The following ECPAS variants were observed in gnomAD, a reference collection of about 807,000 sequenced individuals.
ECPAS encodes the protein proteasome adapter and scaffold protein ECM29.
Under a neutral mutation model 255.1 loss-of-function variants are expected in ECPAS, and 70 were observed. The observed-to-expected ratio is 0.27, with a 90% CI of 0.23 to 0.33. The LOEUF (loss-of-function observed/expected upper bound fraction) is 0.33. Among genes scored for constraint, ECPAS ranks in the 10% least tolerant of loss-of-function variants. The pLI is 1.00. For missense variants in ECPAS, 1,817 were observed against 2,206.4 expected, an observed-to-expected ratio of 0.82 and a Z score of 3.54; for synonymous variants, 784 against 775.0, an observed-to-expected ratio of 1.01 and a Z score of -0.19.
chr9:111,384,094 T>G (rs553076654), intron 34 of ECPAS, among the ~76,000 whole-genome samples: 1 of 152,200 alleles, frequency 6.6e-6, no homozygotes, highest in African/African-American at 2.4e-5. Context: ...ATGTGACCTA[T>G]GGCAAGGTTT....
At chr9:111,468,009 C>T (rs1394334670) in intron 2 of ECPAS, among the ~76,000 whole-genome samples, 2 of 152,056 alleles carry the variant, frequency 1.3e-5, no homozygotes, top group African/African-American at 4.8e-5. Flanking sequence ...AAAAATTACT[C>T]AGGCGTGGTG....
chr9:111,442,559 T>G (rs1209918565), intron 4 of ECPAS, 135 bp from the exon 5 acceptor site: 3 of 613,948 alleles, frequency 4.9e-6, no homozygotes, highest in Non-Finnish European at 8.5e-6. Flanking sequence ...CCCTCCACGT[T>G]TATTGCACCT....
chr9:111,424,097 C>A, intron 12 of ECPAS, among the ~76,000 whole-genome samples: 1 of 152,172 alleles, frequency 6.6e-6, no homozygotes, highest in Non-Finnish European at 1.5e-5. Context: ...TAAAGCATTT[C>A]ACCATCTATG....
intron 2 of ECPAS, among the ~76,000 whole-genome samples, chr9:111,461,718 C>T (rs555541945): frequency 3.9e-4 from 59 of 152,188 alleles, no homozygotes; most frequent in Admixed American, 1.4e-3. Context: ...TCTATTAGTC[C>T]GTTTTCATGA....
chr9:111,387,188 G>A (rs1181157209), intron 31 of ECPAS, among the ~76,000 whole-genome samples: 1 of 151,706 alleles, frequency 6.6e-6, no homozygotes, highest in Non-Finnish European at 1.5e-5. Context: ...CAGTTATTGA[G>A]GGACAGTGTC....
At chr9:111,413,132 A>G (rs771591308) in intron 20 of ECPAS, among the ~76,000 whole-genome samples, 12 of 152,208 alleles carry the variant, frequency 7.9e-5, no homozygotes, top group Non-Finnish European at 1.5e-4. Context: ...TTACCTATGA[A>G]AATTACAAAA....
chr9:111,396,901 T>C lies in ECPAS; in HGVS notation c.2776+129A>G, dbSNP rs534559960. 76 of 1,247,584 alleles carry C rather than the reference T, an allele frequency of 6.1e-5. 1 individual carries two copies. The South Asian group carries it at 8.1e-4, about 13-fold the overall frequency. The allele number at this position is 1,247,584 out of a possible 1,614,324, so 77.3% of individuals were successfully genotyped here. ...AACTATTTTTCTTGACTGAATGAAA[T>C]TGGTAAAACAGATATAAATATTTGA... is the stretch of plus-strand genomic sequence containing the variant. On this transcript the variant is annotated intron_variant, in intron 25 of 49. Coordinates refer to ENST00000684092, the MANE Select transcript of ECPAS (RefSeq NM_001364929.1).
chr9:111,473,365 T>C (rs2098291739), intron 1 of ECPAS, among the ~76,000 whole-genome samples: 1 of 152,234 alleles, frequency 6.6e-6, no homozygotes, highest in Non-Finnish European at 1.5e-5. Context: ...ATAATAGTTT[T>C]ATAAGAAGTG....
In ECPAS at chr9:111,364,225, A is replaced by T. The variant is rs1301151902; in HGVS notation, c.5309-566T>A. Reference sequence around the variant, plus strand: ...GTGAAATTGTCTACCAAAAAAATCAACACACAACCAAGCCCAAAGCAGGGT... The same window carrying T: ...GTGAAATTGTCTACCAAAAAAATCATCACACAACCAAGCCCAAAGCAGGGT... On this transcript the variant is annotated intron_variant, in intron 48 of 49. Coordinates refer to ENST00000684092, the MANE Select transcript of ECPAS (RefSeq NM_001364929.1). Among the ~76,000 whole-genome samples the T allele has an allele frequency of 3.3e-5, 5 of 152,256 alleles. 1 individual carries two copies. The South Asian group carries it at 1.0e-3, about 32-fold the overall frequency.
intron 2 of ECPAS, 70 bp from the exon 3 acceptor site, chr9:111,451,625 G>T: frequency 7.1e-7 from 1 of 1,407,538 alleles, no homozygotes; most frequent in Non-Finnish European, 9.4e-7. Flanking sequence ...TATTTTTATA[G>T]CTTATTCTTT....
In ECPAS at chr9:111,484,381, C is replaced by G. The variant is rs761150267; in HGVS notation, c.-348G>C. 2 of 1,611,764 alleles carry G rather than the reference C, an allele frequency of 1.2e-6. No homozygotes were observed. Among genetic ancestry groups the G allele is most frequent in the African/African-American group, 1.3e-5 (1 of 75,016 alleles). ...GCCTGTCCAAAGGAAGAGACGTGGA[C>G]TCAGAAAAGTAGAGCCGGGCTCGGA... On this transcript the variant is annotated 5_prime_UTR_variant, in exon 1 of 50. Transcript: ENST00000684092.
chr9:111,414,952 T>C (rs1452028348), intron 18 of ECPAS, among the ~76,000 whole-genome samples: 3 of 152,150 alleles, frequency 2.0e-5, no homozygotes, highest in African/African-American at 7.2e-5. Flanking sequence ...AAATACCACA[T>C]GTTCTCACTT....
chr9:111,380,084 C>T (rs1001809148), intron 35 of ECPAS, among the ~76,000 whole-genome samples: 1 of 152,206 alleles, frequency 6.6e-6, no homozygotes, highest in Non-Finnish European at 1.5e-5. Flanking sequence ...CCAGATCCAT[C>T]AAAGGAATCA....
chr9:111,427,365 A>C (rs1263651435), intron 10 of ECPAS, among the ~76,000 whole-genome samples: 1 of 152,224 alleles, frequency 6.6e-6, no homozygotes, highest in Non-Finnish European at 1.5e-5. Context: ...CTTTCAGTTA[A>C]GGATGACTCA....
At chr9:111,451,738 C>T (rs2098260544) in intron 2 of ECPAS, among the ~76,000 whole-genome samples, 183 bp from the exon 3 acceptor site, 1 of 152,180 alleles carries the variant, frequency 6.6e-6, no homozygotes, top group Admixed American at 6.5e-5. Context: ...AACTGTTCTA[C>T]CCTGGTCTAC....
At chr9:111,481,362 C>T (rs1015308097) in intron 1 of ECPAS, among the ~76,000 whole-genome samples, 1 of 152,034 alleles carries the variant, frequency 6.6e-6, no homozygotes, top group African/African-American at 2.4e-5. Context: ...AAAAATTAGC[C>T]GGGCGTGGTG....
intron 6 of ECPAS, 30 bp downstream of exon 6, chr9:111,440,335 CAGTCAAG>C: frequency 1.3e-6 from 2 of 1,553,756 alleles, no homozygotes; most frequent in Non-Finnish European, 1.7e-6. Context: ...GTAGTAAAAG[CAGTCAAG>C]AACAAGGTTG....
At chr9:111,410,006 A>G in intron 23 of ECPAS, 35 bp downstream of exon 23, 8 of 1,510,200 alleles carry the variant, frequency 5.3e-6, no homozygotes, top group Non-Finnish European at 6.3e-6. Context: ...GAAAGACCGA[A>G]TTCCAGAAAG....
intron 24 of ECPAS, among the ~76,000 whole-genome samples, chr9:111,399,068 A>AATG (rs2098171691): frequency 6.6e-6 from 1 of 152,248 alleles, no homozygotes. Flanking sequence ...ACTCAAAAGA[A>AATG]ATGCTTGAGG....
Sources: allele counts gnomAD v4.1 joint callset (sites outside exome capture counted in the v4.1 genomes callset), GRCh38; gene constraint gnomAD v4.1.1; transcripts MANE v1.5; gene names NCBI Gene and HGNC (gene_info 2026-07-23, HGNC 2026-07-21).